The following GRM5 variants were observed in gnomAD, a reference collection of about 807,000 sequenced individuals.
The protein encoded by GRM5 is glutamate metabotropic receptor 5, also known as metabotropic glutamate receptor 5.
In GRM5, 19 loss-of-function variants were observed where a neutral mutation model predicts 83.1. The ratio of observed to expected loss-of-function variants is 0.23; its 90% CI spans 0.16 to 0.34. The LOEUF (loss-of-function observed/expected upper bound fraction) is 0.34. GRM5 is among the 10% of genes least tolerant of loss of function. GRM5 has a pLI of 1.00. For synonymous variants in GRM5, 675 were observed against 633.6 expected (o/e 1.07, Z -0.98); for missense variants, 1,160 against 1,588.3 (o/e 0.73, Z 4.58).
chr11:88,508,894 C>T lies in GRM5; in HGVS notation c.3337G>A (p.Ala1113Thr). The stretch of plus-strand genomic sequence containing the variant: ...ATGGCCGGCAGAGGCTGGATTTCGG[C>T]AAAGGTCGTCATGGTCGTGGGCAAC... ...IQLPTTMTTFAEIQPLPAIEV... is the reference protein window; with the variant it reads ...IQLPTTMTTFTEIQPLPAIEV... The change falls in exon 10 of 10, where the codon GCC becomes ACC. Residue 1113 changes from alanine (A) to threonine (T), a missense_variant. Physicochemically the swap from Ala to Thr is moderately conservative, Grantham distance 58. Around this residue, in one of 9 missense-constraint regions of GRM5, gnomAD observed 562 missense variants for 532.4 expected, o/e 1.06. Transcript: ENST00000305447. The surrounding 1 kb of genome is among the most constrained non-coding windows in gnomAD (Gnocchi z 4.2). 2.5e-6 allele frequency: 4 copies of T among 1,596,710 alleles called. No individual in the cohort carries two copies. The highest frequency in any genetic ancestry group is 1.7e-5 in the Admixed American group (1 of 57,828).
At chr11:88,510,801 C>T (rs1265094807) in intron 9 of GRM5, among the ~76,000 whole-genome samples, 1 of 152,206 alleles carries the variant, frequency 6.6e-6, no homozygotes, top group Non-Finnish European at 1.5e-5. Context: ...CAGGCGTGAG[C>T]CACTGCGTCT....
At chr11:88,580,049 C>T (rs11020513) in intron 7 of GRM5, among the ~76,000 whole-genome samples, 25,909 of 152,016 alleles carry the variant, frequency 0.17, 3,146 homozygotes, top group African/African-American at 0.35. Flanking sequence ...ATGTGCAAGA[C>T]GTCAGTAGAT....
chr11:88,604,221 A>G (rs766122138), intron 5 of GRM5, among the ~76,000 whole-genome samples: 50 of 152,190 alleles, frequency 3.3e-4, no homozygotes, highest in Non-Finnish European at 5.6e-4. Context: ...GTCCTTAACA[A>G]GGAAGAAAGT....
chr11:88,620,948 G>A (rs1263945951), intron 4 of GRM5, among the ~76,000 whole-genome samples: 2 of 152,164 alleles, frequency 1.3e-5, no homozygotes, highest in African/African-American at 4.8e-5. Context: ...AAATTCAACA[G>A]GGATTGCACA....
At chr11:88,637,618 C>T (rs1259001896) in intron 4 of GRM5, among the ~76,000 whole-genome samples, 1 of 146,946 alleles carries the variant, frequency 6.8e-6, no homozygotes, top group Non-Finnish European at 1.5e-5. Flanking sequence ...CCATCTCACA[C>T]CAGTTAGAAT....
At chr11:88,572,938 A>C (rs1223107165) in intron 7 of GRM5, among the ~76,000 whole-genome samples, 1 of 152,124 alleles carries the variant, frequency 6.6e-6, no homozygotes, top group African/African-American at 2.4e-5. Context: ...ATGTCAGTGA[A>C]ATTCCTTCCT....
chr11:89,040,587 G>C lies in GRM5; in HGVS notation c.661+6625C>G, dbSNP rs528922747. 3.9e-4 allele frequency among the ~76,000 whole-genome samples: 60 copies of C among 152,258 alleles called. 1 individual carries two copies. The South Asian group carries it at 0.012, about 31-fold the overall frequency. On this transcript the variant is annotated intron_variant, in intron 2 of 9. Coordinates refer to ENST00000305447, the MANE Select transcript of GRM5 (RefSeq NM_001143831.3). ...GTGGTCACATGTGCTTGTAGTCCCA[G>C]ATACTTGGGAGGCTGAACCAGGAGG...
intron 2 of GRM5, among the ~76,000 whole-genome samples, chr11:88,867,253 T>C (rs368144416): frequency 3.3e-5 from 5 of 151,874 alleles, no homozygotes; most frequent in African/African-American, 1.2e-4. Flanking sequence ...ATAAAGTCAA[T>C]GGTAGCTTGA....
At chr11:88,690,532 A>T (rs992974774) in intron 3 of GRM5, among the ~76,000 whole-genome samples, 3 of 151,590 alleles carry the variant, frequency 2.0e-5, no homozygotes, top group Non-Finnish European at 4.4e-5. Flanking sequence ...ATTTATTTTT[A>T]AAAATTTCCT....
chr11:89,064,460 T>C (rs1942057350), intron 1 of GRM5, among the ~76,000 whole-genome samples: 1 of 152,196 alleles, frequency 6.6e-6, no homozygotes, highest in African/African-American at 2.4e-5. Flanking sequence ...TCAGCATGCA[T>C]TATCCCAACA....
At chr11:89,049,981 G>A (rs117452161) in intron 1 of GRM5, among the ~76,000 whole-genome samples, 1,659 of 152,196 alleles carry the variant, frequency 0.011, 30 homozygotes, top group East Asian at 0.071. Flanking sequence ...AAATCAGAAT[G>A]TTAGCGAGTG....
intron 2 of GRM5, among the ~76,000 whole-genome samples, chr11:89,009,900 C>CAA (rs758398638): frequency 4.1e-3 from 89 of 21,480 alleles, no homozygotes; most frequent in Non-Finnish European, 5.2e-3. Flanking sequence ...GACTCCGTCT[C>CAA]AAAAAAAAAA....
At chr11:88,514,122 G>A (rs1041826791) in intron 9 of GRM5, among the ~76,000 whole-genome samples, 34 of 152,240 alleles carry the variant, frequency 2.2e-4, no homozygotes, top group African/African-American at 7.7e-4. Context: ...CACATCTGAG[G>A]AGGGGGCCAA....
Position 88,643,397 on chromosome 11 carries a change from A to T in GRM5, c.1147+9771T>A, listed in dbSNP as rs141777372. ...TCACCTCTCACCAGACTCCACATCCAACACTGGGGATTCCAATTCAACATG... is the reference window on the plus strand; with the variant it reads ...TCACCTCTCACCAGACTCCACATCCTACACTGGGGATTCCAATTCAACATG... On this transcript the variant is annotated intron_variant, in intron 4 of 9. Transcript: ENST00000305447. Among the ~76,000 whole-genome samples the T allele has an allele frequency of 1.2e-4, 18 of 152,274 alleles. No homozygotes were observed. In the East Asian group the frequency reaches 3.5e-3, roughly 29 times the overall value.
At chr11:89,023,537 T>G (rs551628589) in intron 2 of GRM5, among the ~76,000 whole-genome samples, 1 of 152,136 alleles carries the variant, frequency 6.6e-6, no homozygotes, top group East Asian at 1.9e-4. Flanking sequence ...TATTTTACCT[T>G]ACAGTGGGTC....
intron 2 of GRM5, among the ~76,000 whole-genome samples, chr11:88,937,345 A>C (rs1212289704): frequency 6.6e-6 from 1 of 151,736 alleles, no homozygotes; most frequent in Non-Finnish European, 1.5e-5. Flanking sequence ...GAAGTAGATA[A>C]AGTAATACAG....
intron 3 of GRM5, among the ~76,000 whole-genome samples, chr11:88,841,660 T>C (rs906139505): frequency 4.6e-5 from 7 of 152,216 alleles, no homozygotes; most frequent in African/African-American, 9.6e-5. Context: ...ATGAAGGGCA[T>C]CTGCAGCTGC....
chr11:88,785,120 G>A (rs921772975), intron 3 of GRM5, among the ~76,000 whole-genome samples: 2 of 152,038 alleles, frequency 1.3e-5, no homozygotes, highest in African/African-American at 4.8e-5. Context: ...TTCTGCAGAG[G>A]CTTGTCAGTG....
intron 3 of GRM5, among the ~76,000 whole-genome samples, chr11:88,775,216 G>C (rs1183935156): frequency 6.6e-6 from 1 of 152,168 alleles, no homozygotes; most frequent in Non-Finnish European, 1.5e-5. Flanking sequence ...AGATTTTCTA[G>C]TTTATTTGCA....
Sources: gnomAD v4.1 joint callset for allele counts (sites outside exome capture counted in the v4.1 genomes callset) on GRCh38, gnomAD v4.1.1 for gene constraint, gnomAD v4.1.1 regional missense constraint, Gnocchi (gnomAD v3.1) non-coding constraint, MANE v1.5 for transcripts, NCBI Gene and HGNC (gene_info 2026-07-23, HGNC 2026-07-21) for gene names.